NBAS: variants seen among roughly 807,000 people sequenced by gnomAD.
NBAS encodes the protein NBAS subunit of NRZ tethering complex.
NBAS carries 219 observed loss-of-function variants against 302.5 expected under a neutral mutation model. The ratio of observed to expected loss-of-function variants is 0.72; its 90% CI spans 0.65 to 0.81. The LOEUF (loss-of-function observed/expected upper bound fraction) is 0.81. NBAS is among the 30% of genes least tolerant of loss of function. The pLI, the probability that NBAS is intolerant of heterozygous loss-of-function variation, is 0.00. For missense variants in NBAS, 2,932 were observed against 2,841.6 expected (o/e 1.03, Z -0.72); for synonymous variants, 1,118 against 1,021.6 (o/e 1.09, Z -1.80).
chr2:14,904,371 A>G, the NBAS span, among the ~76,000 whole-genome samples: 1 of 152,198 alleles, frequency 6.6e-6, no homozygotes, highest in Non-Finnish European at 1.5e-5. Flanking sequence ...CCCCTGGCAA[A>G]CCACTGATAT....
At chr2:14,801,694 T>A in the NBAS span, among the ~76,000 whole-genome samples, 2 of 152,174 alleles carry the variant, frequency 1.3e-5, no homozygotes, top group African/African-American at 2.4e-5. Flanking sequence ...TTCCTGGTAA[T>A]TTTTTATTGA....
In NBAS at chr2:15,275,825, G is replaced by GAA; in HGVS notation, c.5390-9_5390-8dup. The GAA allele has an allele frequency of 6.3e-7, 1 of 1,597,348 alleles. No homozygotes were observed. The highest frequency in any genetic ancestry group is 8.5e-7 in the Non-Finnish European group (1 of 1,171,218). On this transcript the variant is annotated splice_polypyrimidine_tract_variant and splice_region_variant and intron_variant, in intron 43 of 51. Transcript: ENST00000281513. ...AGCTTTTTGTAATTAAGACCTAGCA[G>GAA]AAAAAAAAAGAAAGTAGGTAAGTGG... is the stretch of plus-strand genomic sequence containing the variant.
At chr2:14,909,380 A>AAAAAAAAAAG in the NBAS span, among the ~76,000 whole-genome samples, 1 of 147,746 alleles carries the variant, frequency 6.8e-6, no homozygotes, top group Non-Finnish European at 1.5e-5. Context: ...AAAAAAAAAA[A>AAAAAAAAAAG]AAAAAAAAAG....
chr2:15,453,753 G>C (rs1453832374), intron 21 of NBAS, among the ~76,000 whole-genome samples: 3 of 151,938 alleles, frequency 2.0e-5, no homozygotes, highest in African/African-American at 4.8e-5. Context: ...CAAATTGCCA[G>C]GATACTATAG....
the NBAS span, among the ~76,000 whole-genome samples, chr2:15,102,746 C>T: frequency 6.6e-6 from 1 of 152,004 alleles, no homozygotes; most frequent in Non-Finnish European, 1.5e-5. Flanking sequence ...TTATAATTAC[C>T]TAAGGTTAGT....
the NBAS span, among the ~76,000 whole-genome samples, chr2:14,828,617 A>T: frequency 6.6e-6 from 1 of 152,180 alleles, no homozygotes. Context: ...CAAAAAAAAT[A>T]AATTCTATGA....
At chr2:14,864,304 G>C in the NBAS span, among the ~76,000 whole-genome samples, 1 of 142,294 alleles carries the variant, frequency 7.0e-6, no homozygotes, top group East Asian at 2.0e-4. Flanking sequence ...CTGGGTGACA[G>C]AGCGAGGCTC....
intron 48 of NBAS, among the ~76,000 whole-genome samples, chr2:15,204,352 C>T (rs773313886): frequency 6.6e-6 from 1 of 152,012 alleles, no homozygotes; most frequent in African/African-American, 2.4e-5. Context: ...TTGTACTCTA[C>T]CCAGTAATTT....
chr2:15,353,954 T>G (rs1380709838), intron 33 of NBAS, among the ~76,000 whole-genome samples: 3 of 152,168 alleles, frequency 2.0e-5, no homozygotes, highest in Admixed American at 2.0e-4. Context: ...CTGTTAAATT[T>G]TAGATTAACT....
the NBAS span, among the ~76,000 whole-genome samples, chr2:14,988,782 T>A: frequency 6.6e-6 from 1 of 152,192 alleles, no homozygotes; most frequent in Admixed American, 6.5e-5. Context: ...TTTTAAATTT[T>A]TAGCTGACAA....
At chr2:15,028,448 A>G in the NBAS span, among the ~76,000 whole-genome samples, 1 of 152,218 alleles carries the variant, frequency 6.6e-6, no homozygotes. Flanking sequence ...TTAATTGCAA[A>G]ATCTGATAAA....
chr2:14,965,736 G>A, the NBAS span, among the ~76,000 whole-genome samples: 10 of 151,180 alleles, frequency 6.6e-5, no homozygotes, highest in African/African-American at 2.4e-4. Context: ...CTAAAAGTAT[G>A]AAAAACATCT....
chr2:14,800,181 G>A, the NBAS span, among the ~76,000 whole-genome samples: 6 of 152,172 alleles, frequency 3.9e-5, no homozygotes, highest in East Asian at 9.7e-4. Flanking sequence ...ATTCCATGCC[G>A]ATAAGGTTTG....
chr2:15,413,098 C>T (rs929838727), intron 25 of NBAS, among the ~76,000 whole-genome samples: 1 of 152,216 alleles, frequency 6.6e-6, no homozygotes, highest in Non-Finnish European at 1.5e-5. Context: ...AACCCTAACC[C>T]ATTCCTTTAT....
At chr2:15,256,100 G>T (rs187510305) in intron 44 of NBAS, among the ~76,000 whole-genome samples, 8 of 152,038 alleles carry the variant, frequency 5.3e-5, no homozygotes, top group Admixed American at 5.2e-4. Context: ...AATGATGATC[G>T]TATTTTGGTG....
intron 47 of NBAS, among the ~76,000 whole-genome samples, chr2:15,221,034 T>G (rs1034433388): frequency 6.6e-6 from 1 of 152,224 alleles, no homozygotes; most frequent in Non-Finnish European, 1.5e-5. Flanking sequence ...AAGAATTTCA[T>G]AAATTTAGCA....
the NBAS span, among the ~76,000 whole-genome samples, chr2:14,914,856 T>C: frequency 6.6e-6 from 1 of 152,186 alleles, no homozygotes; most frequent in Non-Finnish European, 1.5e-5. Flanking sequence ...AGACTGAGTA[T>C]AGAAAGTCTG....
At chr2:15,414,932 G>A (rs540136040) in intron 25 of NBAS, among the ~76,000 whole-genome samples, 114 of 152,196 alleles carry the variant, frequency 7.5e-4, no homozygotes, top group African/African-American at 2.6e-3. Context: ...CCGAAAGAGC[G>A]AGACTCTGTC....
chr2:15,058,554 T>A, the NBAS span, among the ~76,000 whole-genome samples: 7 of 152,200 alleles, frequency 4.6e-5, no homozygotes, highest in Non-Finnish European at 1.0e-4. Flanking sequence ...AGGTTGAAGT[T>A]CCCAGTTCTC....
Sources: allele counts gnomAD v4.1 joint callset (sites outside exome capture counted in the v4.1 genomes callset), GRCh38; gene constraint gnomAD v4.1.1; transcripts MANE v1.5; gene names NCBI Gene and HGNC (gene_info 2026-07-23, HGNC 2026-07-21).